CIMIP5: variants seen among roughly 807,000 people sequenced by gnomAD.
The protein encoded by CIMIP5 is ciliary microtubule inner protein 5, also known as uncharacterized protein C2orf50.
chr2:11,134,743 G>A, the CIMIP5 span, among the ~76,000 whole-genome samples: 6 of 152,182 alleles, frequency 3.9e-5, no homozygotes, highest in African/African-American at 1.4e-4. Flanking sequence ...TGACTATTAT[G>A]TGTAGTGCTA....
chr2:11,133,448 C>T, the CIMIP5 span: 1 of 1,610,496 alleles, frequency 6.2e-7, no homozygotes, highest in Non-Finnish European at 8.5e-7. Context: ...GCCCTATGGC[C>T]AGCAGGGGTC....
the CIMIP5 span, chr2:11,133,392 C>A: frequency 2.5e-6 from 4 of 1,611,888 alleles, no homozygotes; most frequent in Middle Eastern, 3.3e-4. Flanking sequence ...GTACCGATTG[C>A]CCCCCACCAG....
chr2:11,135,723 G>T, the CIMIP5 span, among the ~76,000 whole-genome samples: 1 of 150,826 alleles, frequency 6.6e-6, no homozygotes, highest in Admixed American at 6.6e-5. Context: ...GTGCAGTGGG[G>T]TGATCTCAGC....
At chr2:11,133,592 G>A in the CIMIP5 span, 5 of 1,596,134 alleles carry the variant, frequency 3.1e-6, no homozygotes, top group Non-Finnish European at 4.3e-6. Flanking sequence ...AGCAGCGCTG[G>A]TGAGTACCTG....
chr2:11,138,454 G>T, the CIMIP5 span, among the ~76,000 whole-genome samples: 6 of 152,160 alleles, frequency 3.9e-5, no homozygotes, highest in African/African-American at 1.2e-4. Context: ...AAAGGGAAGG[G>T]CAGGGGTAAG....
At chr2:11,148,965 C>T in the CIMIP5 span, among the ~76,000 whole-genome samples, 4 of 151,838 alleles carry the variant, frequency 2.6e-5, no homozygotes, top group East Asian at 1.9e-4. Context: ...AACTCCTGAC[C>T]GCAGGTGATC....
chr2:11,137,892 C>G, the CIMIP5 span, among the ~76,000 whole-genome samples: 1 of 152,208 alleles, frequency 6.6e-6, no homozygotes, highest in East Asian at 1.9e-4. Flanking sequence ...GTCACCCAGG[C>G]TGGAGTGCAG....
the CIMIP5 span, among the ~76,000 whole-genome samples, chr2:11,143,164 T>C: frequency 6.6e-6 from 1 of 152,122 alleles, no homozygotes; most frequent in African/African-American, 2.4e-5. Context: ...TTGTGTGATA[T>C]TCACACAGTT....
the CIMIP5 span, among the ~76,000 whole-genome samples, chr2:11,151,746 C>T: frequency 2.6e-5 from 4 of 152,362 alleles, no homozygotes; most frequent in South Asian, 6.2e-4. Flanking sequence ...AGTGATTCTC[C>T]TGCCTCAGCC....
the CIMIP5 span, among the ~76,000 whole-genome samples, chr2:11,137,125 C>T: frequency 6.6e-6 from 1 of 152,190 alleles, no homozygotes; most frequent in Non-Finnish European, 1.5e-5. Flanking sequence ...ATAATCCCAG[C>T]ACTTTGGGAA....
the CIMIP5 span, among the ~76,000 whole-genome samples, chr2:11,142,549 T>G: frequency 1.3e-5 from 2 of 152,220 alleles, no homozygotes; most frequent in Non-Finnish European, 2.9e-5. Flanking sequence ...TACTGAAATC[T>G]GCATCATGGC....
chr2:11,146,259 G>T, the CIMIP5 span, among the ~76,000 whole-genome samples: 2 of 152,164 alleles, frequency 1.3e-5, no homozygotes, highest in Non-Finnish European at 2.9e-5. Flanking sequence ...CAACTAAAGC[G>T]CAGAGAGGTT....
chr2:11,145,690 G>T, the CIMIP5 span: 3 of 152,348 alleles, frequency 2.0e-5, no homozygotes, highest in East Asian at 5.8e-4. Flanking sequence ...AGACACTCCA[G>T]GTATTGGCTT....
the CIMIP5 span, among the ~76,000 whole-genome samples, chr2:11,141,011 A>G: frequency 6.6e-6 from 1 of 152,168 alleles, no homozygotes; most frequent in South Asian, 2.1e-4. Context: ...TCCCCTGATT[A>G]AAATGCTTCA....
the CIMIP5 span, among the ~76,000 whole-genome samples, chr2:11,150,187 C>T: frequency 1.3e-5 from 2 of 152,074 alleles, no homozygotes; most frequent in Non-Finnish European, 2.9e-5. Flanking sequence ...GATCCACTCG[C>T]CTCAACCTCC....
At chr2:11,133,359 C>T in the CIMIP5 span, 6 of 1,608,012 alleles carry the variant, frequency 3.7e-6, no homozygotes, top group African/African-American at 1.3e-5. Context: ...CACCCCTGGG[C>T]TCCAGAGAAC....
At chr2:11,143,922 C>A in the CIMIP5 span, 1 of 1,581,402 alleles carries the variant, frequency 6.3e-7, no homozygotes, top group Non-Finnish European at 8.6e-7. Context: ...CTCCTCAGGG[C>A]AACAAGAAGG....
the CIMIP5 span, among the ~76,000 whole-genome samples, chr2:11,139,489 C>G: frequency 1.3e-5 from 2 of 152,210 alleles, no homozygotes; most frequent in African/African-American, 4.8e-5. Flanking sequence ...CAAGCTAATA[C>G]TATCCTTATG....
chr2:11,141,200 C>G, the CIMIP5 span, among the ~76,000 whole-genome samples: 1 of 146,440 alleles, frequency 6.8e-6, no homozygotes. Flanking sequence ...GCAATCTTGG[C>G]TCACTGCAAT....
Sources: allele counts gnomAD v4.1 joint callset (sites outside exome capture counted in the v4.1 genomes callset), GRCh38; gene constraint gnomAD v4.1.1; transcripts MANE v1.5; gene names NCBI Gene and HGNC (gene_info 2026-07-23, HGNC 2026-07-21).